SLC19A1: variants seen among roughly 807,000 people sequenced by gnomAD.
SLC19A1 encodes solute carrier family 19 member 1.
Under a neutral mutation model 35.3 loss-of-function variants are expected in SLC19A1, and 37 were observed. The observed-to-expected ratio is 1.05, with a 90% CI of 0.81 to 1.38. SLC19A1 has a LOEUF of 1.38. Ranked by LOEUF, SLC19A1 falls within the 40% of genes most tolerant of loss-of-function variation. The pLI is 0.00. For missense variants in SLC19A1, 831 were observed against 826.9 expected, an observed-to-expected ratio of 1.00 and a Z score of -0.06; for synonymous variants, 460 against 398.5, an observed-to-expected ratio of 1.15 and a Z score of -1.84.
intron 3 of SLC19A1, chr21:45,504,188 G>A: frequency 9.3e-7 from 1 of 1,069,800 alleles, no homozygotes; most frequent in South Asian, 1.3e-5. Context: ...TGGCTCCAGA[G>A]GGTGTCGAGG....
Position 45,514,914 on chromosome 21 carries a change from G to A in SLC19A1, c.*744C>T, listed in dbSNP as rs1054615965. ...CACATACCAAGGCCAGCACGTCCGC[G>A]GTGACCGGGACCAGTCCCCTCCGGG... is the stretch of plus-strand genomic sequence containing the variant. On this transcript the variant is annotated 3_prime_UTR_variant, in exon 6 of 6. Transcript: ENST00000311124. The A allele has an allele frequency of 3.8e-5, 49 of 1,303,832 alleles. No individual in the cohort carries two copies. In the African/African-American group the frequency reaches 4.5e-4, roughly 12 times the overall value. The allele number at this position is 1,303,832 out of a possible 1,614,324, so 80.8% of individuals were successfully genotyped here. A position where few individuals can be genotyped will look rare whatever the true frequency, so the allele number is the denominator to read the frequency against.
Position 45,530,627 on chromosome 21 carries a change from A to C in SLC19A1, c.1151+143T>G, listed in dbSNP as rs1602799753. The C allele has an allele frequency of 1.2e-6, 1 of 801,054 alleles. No homozygotes were observed. The highest frequency in any genetic ancestry group is 1.8e-5 in the African/African-American group (1 of 54,936). The allele number at this position is 801,054 out of a possible 1,614,324, so 49.6% of individuals were successfully genotyped here. On this transcript the variant is annotated intron_variant, in intron 4 of 5. Transcript: ENST00000311124. The surrounding 1 kb of genome is among the most constrained non-coding windows in gnomAD (Gnocchi z 5.3). ...AGGTCCCAGGGAGAGGCAAGTGGGG[A>C]CCCTGGTCAGCTCCAGGTGGCTGGC...
rs192263100 is a variant in SLC19A1, at chr21:45,555,781, C to G, written c.-50+6961G>C. ...GACCCACGCAGAGTTCCGCGCCAGC[C>G]GAGGGGCCCGGCTGCCGCCCATGCG... is the stretch of plus-strand genomic sequence containing the variant. On this transcript the variant is annotated intron_variant, in intron 1 of 5. Transcript: ENST00000650808. Among the ~76,000 whole-genome samples the G allele has an allele frequency of 3.4e-4, 52 of 152,030 alleles. 1 individual carries two copies. The East Asian group carries it at 1.0e-2, about 29-fold the overall frequency.
intron 3 of SLC19A1, chr21:45,506,436 C>A (rs2037208885): frequency 3.5e-6 from 1 of 285,806 alleles, no homozygotes. Context: ...TTAGCACGGG[C>A]CTTGCTCACC....
At chr21:45,555,157 CG>C (rs1569031717) in intron 1 of SLC19A1, among the ~76,000 whole-genome samples, 1,071 of 72,552 alleles carry the variant, frequency 0.015, 183 homozygotes, top group East Asian at 0.063. Context: ...GTGCAGGGGG[CG>C]GCGGGGGCGG....
chr21:45,514,962 T>C lies in SLC19A1; in HGVS notation c.*696A>G, dbSNP rs1447393499. On this transcript the variant is annotated 3_prime_UTR_variant, in exon 6 of 6. Coordinates refer to ENST00000311124, the MANE Select transcript of SLC19A1 (RefSeq NM_194255.4). The stretch of plus-strand genomic sequence containing the variant: ...GGGCTGGCACAAGTGTGGGAGCAGC[T>C]GAGGACCCGCAGGTCAGGATGGACA... 2 of 1,483,270 alleles carry C rather than the reference T, an allele frequency of 1.3e-6. No individual in the cohort carries two copies. The highest frequency in any genetic ancestry group is 2.7e-5 in the South Asian group (2 of 74,588). The allele number at this position is 1,483,270 out of a possible 1,614,324, so 91.9% of individuals were successfully genotyped here. A position where few individuals can be genotyped will look rare whatever the true frequency, so the allele number is the denominator to read the frequency against.
downstream of SLC19A1, chr21:45,512,132 C>T: frequency 6.4e-7 from 1 of 1,561,960 alleles, no homozygotes; most frequent in Non-Finnish European, 8.7e-7. Context: ...GGGGAGCGGC[C>T]TCTGCCCTAA....
rs2037676178 is a variant in SLC19A1 at position 45,512,591 on chromosome 21, A to G, written c.*3067T>C. ...GTATTTTTTTAAAAGTTTAAAACAG[A>G]AGCCTGATGCTGACATTCACCTGCC... On this transcript the variant is annotated 3_prime_UTR_variant, in exon 6 of 6. Coordinates refer to ENST00000311124, the MANE Select transcript of SLC19A1 (RefSeq NM_194255.4). 1.6e-6 allele frequency: 1 copy of G among 632,754 alleles called. No individual in the cohort carries two copies. Among genetic ancestry groups the G allele is most frequent in the South Asian group, 1.9e-5 (1 of 51,522 alleles). 39.2% of individuals were successfully genotyped at this position (632,754 alleles called of 1,614,324 possible).
chr21:45,537,649 G>T, intron 2 of SLC19A1, 122 bp downstream of exon 2: 1 of 775,364 alleles, frequency 1.3e-6, no homozygotes, highest in South Asian at 2.1e-5. Context: ...TATTCCAGAA[G>T]CTGCTCCCTG....
chr21:45,559,363 C>T (rs1034947330), intron 1 of SLC19A1, among the ~76,000 whole-genome samples: 4 of 152,110 alleles, frequency 2.6e-5, no homozygotes, highest in Admixed American at 6.5e-5. Flanking sequence ...GGTGTCACCA[C>T]GCACCGACAA....
chr21:45,532,314 C>G (rs904527106), intron 2 of SLC19A1, among the ~76,000 whole-genome samples, 166 bp from the exon 3 acceptor site: 6 of 152,246 alleles, frequency 3.9e-5, no homozygotes, highest in African/African-American at 1.4e-4. Flanking sequence ...GCATCGTCCT[C>G]TCTGAACAGG....
In SLC19A1 at chr21:45,526,028, A is replaced by T. The variant is rs2077604112; in HGVS notation, c.1152-70T>A. 3.2e-6 allele frequency: 5 copies of T among 1,551,600 alleles called. No homozygotes were observed. The South Asian group carries it at 5.7e-5, about 18-fold the overall frequency. On this transcript the variant is annotated intron_variant, in intron 4 of 5. Transcript: ENST00000311124. ...GCAGCAGCCACAGGGAAAAGCCTGC[A>T]GCCCGGCTCCCACCAGCCCATGACC...
At chr21:45,522,960 A>G (rs2077480991) in intron 5 of SLC19A1, among the ~76,000 whole-genome samples, 1 of 152,174 alleles carries the variant, frequency 6.6e-6, no homozygotes, top group South Asian at 2.1e-4. Context: ...GTAAGACGTG[A>G]CCACTGTGAA....
Position 45,534,738 on chromosome 21 carries a change from G to A in SLC19A1, c.190-2590C>T. 2 of 722,040 alleles carry A rather than the reference G, an allele frequency of 2.8e-6. No homozygotes were observed. The highest frequency in any genetic ancestry group is 4.6e-6 in the Non-Finnish European group (2 of 434,190). The allele number at this position is 722,040 out of a possible 1,614,324, so 44.7% of individuals were successfully genotyped here. A position where few individuals can be genotyped will look rare whatever the true frequency, so the allele number is the denominator to read the frequency against. On this transcript the variant is annotated intron_variant, in intron 2 of 5. Coordinates refer to ENST00000311124, the MANE Select transcript of SLC19A1 (RefSeq NM_194255.4). The surrounding 1 kb of genome is among the most constrained non-coding windows in gnomAD (Gnocchi z 4.2). Reference sequence around the variant, plus strand: ...CCCTCTTCCTCAGCCTTGGCAGGCAGACAGCAGGGAGGCTCTGCCCAGAGC... The same window carrying A: ...CCCTCTTCCTCAGCCTTGGCAGGCAAACAGCAGGGAGGCTCTGCCCAGAGC...
chr21:45,509,640 C>T (rs1346731918), downstream of SLC19A1: 23 of 1,077,950 alleles, frequency 2.1e-5, no homozygotes, highest in Non-Finnish European at 2.6e-5. Flanking sequence ...TCCATCTAGC[C>T]CCTCGGCTCT....
chr21:45,534,631 G>A lies in SLC19A1; in HGVS notation c.190-2483C>T, dbSNP rs766831637. 33 of 1,534,508 alleles carry A rather than the reference G, an allele frequency of 2.2e-5. No individual in the cohort carries two copies. In the South Asian group the frequency reaches 3.5e-4, roughly 16 times the overall value. Reference sequence around the variant, plus strand: ...TCAGGCACCTCCTGGTCTTAGTTGAGGGTCTGAGCGCAGAGCTCCCCCTTG... The same window carrying A: ...TCAGGCACCTCCTGGTCTTAGTTGAAGGTCTGAGCGCAGAGCTCCCCCTTG... On this transcript the variant is annotated intron_variant, in intron 2 of 5. Coordinates refer to ENST00000311124, the MANE Select transcript of SLC19A1 (RefSeq NM_194255.4). This position sits in a 1 kb window ranked among gnomAD's most constrained non-coding sequence, Gnocchi z 4.2.
intron 1 of SLC19A1, among the ~76,000 whole-genome samples, chr21:45,557,414 G>A (rs1018057588): frequency 2.6e-5 from 4 of 152,142 alleles, no homozygotes; most frequent in Non-Finnish European, 5.9e-5. Flanking sequence ...GTGCCTTGTG[G>A]CCCCAGCCTG....
chr21:45,531,731 G>A lies in SLC19A1; in HGVS notation c.607C>T (p.Leu203=), dbSNP rs2077920451. The change falls in exon 3 of 6, where the codon CTG becomes TTG. Residue 203 remains leucine, a synonymous_variant. Coordinates refer to ENST00000311124, the MANE Select transcript of SLC19A1 (RefSeq NM_194255.4). ...LTFSVVLALF[L]KRPKRSLFFN... ...AAGAGGCTGCGCTTGGGGCGCTTCA[G>A]GAAGAGGGCGAGGACCACGCTGAAG... The A allele has an allele frequency of 6.2e-7, 1 of 1,612,656 alleles. No homozygotes were observed. Among genetic ancestry groups the A allele is most frequent in the Admixed American group, 1.7e-5 (1 of 59,906 alleles).
chr21:45,551,514 A>G (rs914005149), intron 1 of SLC19A1, among the ~76,000 whole-genome samples: 4 of 152,128 alleles, frequency 2.6e-5, no homozygotes, highest in Admixed American at 2.6e-4. Flanking sequence ...GTAGGACGTG[A>G]TTTTTGCTTG....
Sources: allele counts gnomAD v4.1 joint callset (sites outside exome capture counted in the v4.1 genomes callset), GRCh38; gene constraint gnomAD v4.1.1; non-coding constraint Gnocchi (gnomAD v3.1); transcripts MANE v1.5; gene names NCBI Gene and HGNC (gene_info 2026-07-23, HGNC 2026-07-21).